Variants in GRID2 observed in about 807,000 individuals in gnomAD.
GRID2 encodes glutamate ionotropic receptor delta type subunit 2.
GRID2 carries 33 observed loss-of-function variants against 114.8 expected under a neutral mutation model. The ratio of observed to expected loss-of-function variants is 0.29; its 90% CI spans 0.22 to 0.38. The LOEUF is 0.38. Ranked by LOEUF, GRID2 falls within the 10% of genes least tolerant of loss-of-function variation. The probability of loss-of-function intolerance (pLI) is 1.00; values close to 1 mark genes in which losing one functional copy is unlikely to be tolerated. For missense variants in GRID2, 1,184 were observed against 1,257.7 expected (o/e 0.94, Z 0.89); for synonymous variants, 505 against 449.9 (o/e 1.12, Z -1.55).
At chr4:92,705,064 C>A (rs1156884042) in intron 2 of GRID2, among the ~76,000 whole-genome samples, 2 of 151,968 alleles carry the variant, frequency 1.3e-5, no homozygotes, top group African/African-American at 2.4e-5. Context: ...TGTTACCAGA[C>A]AGTAATAACA....
intron 2 of GRID2, among the ~76,000 whole-genome samples, chr4:93,025,768 A>G (rs1026430346): frequency 1.3e-5 from 2 of 151,764 alleles, no homozygotes; most frequent in Non-Finnish European, 3.0e-5. Flanking sequence ...ATAGCTTCCC[A>G]TGAGATAATG....
chr4:92,529,268 A>G (rs1470647635), intron 1 of GRID2, among the ~76,000 whole-genome samples: 2 of 151,976 alleles, frequency 1.3e-5, no homozygotes, highest in African/African-American at 2.4e-5. Context: ...AGCGCTTACA[A>G]TGTAGTGAGA....
intron 2 of GRID2, among the ~76,000 whole-genome samples, chr4:93,053,518 C>A (rs1310208905): frequency 6.6e-6 from 1 of 151,938 alleles, no homozygotes; most frequent in Non-Finnish European, 1.5e-5. Context: ...ACAGACTTAT[C>A]AAAGTCTCAT....
At chr4:92,809,952 G>A (rs2149378174) in intron 2 of GRID2, among the ~76,000 whole-genome samples, 1 of 152,016 alleles carries the variant, frequency 6.6e-6, no homozygotes, top group African/African-American at 2.4e-5. Context: ...ACAAACGTTG[G>A]TCCTGTTCAC....
chr4:92,524,087 A>G (rs1188875409), intron 1 of GRID2, among the ~76,000 whole-genome samples: 4 of 152,062 alleles, frequency 2.6e-5, no homozygotes, highest in Non-Finnish European at 4.4e-5. Flanking sequence ...GAAGAAAGTC[A>G]AGGAAAACTA....
chr4:93,167,411 G>GT (rs1044569790), intron 4 of GRID2, among the ~76,000 whole-genome samples: 87 of 152,178 alleles, frequency 5.7e-4, no homozygotes, highest in African/African-American at 2.0e-3. Context: ...TAGTCACCTG[G>GT]TTTTTGTTGT....
At chr4:93,163,381 TATATATATATATATATATAC>T (rs1432278173) in intron 4 of GRID2, among the ~76,000 whole-genome samples, 50 of 42,982 alleles carry the variant, frequency 1.2e-3, no homozygotes, top group Admixed American at 4.6e-3. Context: ...TATATATATA[TATATATATATATATATATAC>T]ACTATATATA....
intron 2 of GRID2, among the ~76,000 whole-genome samples, chr4:92,833,493 ATCTT>A (rs1039662593): frequency 3.6e-4 from 55 of 152,312 alleles, no homozygotes; most frequent in African/African-American, 1.3e-3. Context: ...ACACTTGATG[ATCTT>A]TCTTTCTCTG....
chr4:92,888,830 A>T (rs1467802808), intron 2 of GRID2, among the ~76,000 whole-genome samples: 1 of 151,604 alleles, frequency 6.6e-6, no homozygotes, highest in Non-Finnish European at 1.5e-5. Context: ...TTTTTAATGC[A>T]AATAAAGCGG....
At chr4:92,963,392 A>T (rs1752946138) in intron 2 of GRID2, among the ~76,000 whole-genome samples, 1 of 152,026 alleles carries the variant, frequency 6.6e-6, no homozygotes, top group Non-Finnish European at 1.5e-5. Flanking sequence ...TTTATGTAAT[A>T]TTCGAAATCC....
At chr4:93,048,771 T>A (rs1452830034) in intron 2 of GRID2, among the ~76,000 whole-genome samples, 1 of 152,090 alleles carries the variant, frequency 6.6e-6, no homozygotes, top group Non-Finnish European at 1.5e-5. Flanking sequence ...ATACTTTTTG[T>A]TAAAGGGAAA....
chr4:92,401,212 T>A (rs1056279552), intron 1 of GRID2, among the ~76,000 whole-genome samples: 1 of 152,168 alleles, frequency 6.6e-6, no homozygotes, highest in Non-Finnish European at 1.5e-5. Context: ...GAAGTTCATT[T>A]ACATTTTTAA....
intron 4 of GRID2, among the ~76,000 whole-genome samples, chr4:93,140,630 TAAGTC>T (rs1272332934): frequency 3.9e-5 from 6 of 152,346 alleles, no homozygotes; most frequent in African/African-American, 1.2e-4. Flanking sequence ...ACATTACAAA[TAAGTC>T]AAGGATACAG....
intron 8 of GRID2, among the ~76,000 whole-genome samples, chr4:93,312,486 C>G (rs1355443410): frequency 1.3e-5 from 2 of 151,964 alleles, no homozygotes; most frequent in Non-Finnish European, 2.9e-5. Context: ...CAGGTACAAG[C>G]CTGAAACAAA....
intron 4 of GRID2, among the ~76,000 whole-genome samples, chr4:93,200,288 CG>C (rs1234638832): frequency 6.6e-6 from 1 of 152,138 alleles, no homozygotes; most frequent in Non-Finnish European, 1.5e-5. Flanking sequence ...TTACATAGGC[CG>C]GGTGCGGTGG....
intron 1 of GRID2, among the ~76,000 whole-genome samples, chr4:92,309,849 T>C (rs1725605488): frequency 6.6e-6 from 1 of 151,962 alleles, no homozygotes; most frequent in African/African-American, 2.4e-5. Context: ...GATGCAAGTG[T>C]GTTTAATACT....
At chr4:92,674,644 C>T (rs1394449828) in intron 2 of GRID2, among the ~76,000 whole-genome samples, 1 of 152,148 alleles carries the variant, frequency 6.6e-6, no homozygotes, top group African/African-American at 2.4e-5. Context: ...GCCTCAGCCT[C>T]CCAAGTAGCT....
rs202205811 is a variant in GRID2 at position 92,585,407 on chromosome 4, TA to T, written c.89-4718del. ...GATTAAAAAGTTTGAACTTTCTGAC[TA>T]AAAAATAAAGATCAGCTATCTTTGA... is the stretch of plus-strand genomic sequence containing the variant. On this transcript the variant is annotated intron_variant, in intron 1 of 15. Coordinates refer to ENST00000282020, the MANE Select transcript of GRID2 (RefSeq NM_001510.4). Among the ~76,000 whole-genome samples, 813 of 152,114 alleles carry T rather than the reference TA, an allele frequency of 5.3e-3. 5 individuals are homozygous for T. The highest frequency in any genetic ancestry group is 0.019 in the African/African-American group (772 of 41,560).
chr4:93,027,117 T>C (rs1378240130), intron 2 of GRID2, among the ~76,000 whole-genome samples: 2 of 152,116 alleles, frequency 1.3e-5, no homozygotes, highest in Non-Finnish European at 2.9e-5. Context: ...TTTTCTTCAG[T>C]TGTTTTTGAA....
Sources: allele counts gnomAD v4.1 joint callset (sites outside exome capture counted in the v4.1 genomes callset), GRCh38; gene constraint gnomAD v4.1.1; transcripts MANE v1.5; gene names NCBI Gene and HGNC (gene_info 2026-07-23, HGNC 2026-07-21).